SLC24A2: variants seen among roughly 807,000 people sequenced by gnomAD.
The protein encoded by SLC24A2 is sodium/potassium/calcium exchanger 2.
In SLC24A2, 36 loss-of-function variants were observed where a neutral mutation model predicts 62.0. That is an observed-to-expected ratio of 0.58 (90% CI 0.44 to 0.77). SLC24A2 has a LOEUF of 0.77. SLC24A2 is among the 30% of genes least tolerant of loss of function. The pLI, the probability that SLC24A2 is intolerant of heterozygous loss-of-function variation, is 0.00. For synonymous variants in SLC24A2, 358 were observed against 294.0 expected, an observed-to-expected ratio of 1.22 and a Z score of -2.23; for missense variants, 846 against 817.9, an observed-to-expected ratio of 1.03 and a Z score of -0.42.
At chr9:19,851,011 A>ATATATATACG in the SLC24A2 span, among the ~76,000 whole-genome samples, 9 of 45,290 alleles carry the variant, frequency 2.0e-4, no homozygotes, top group Non-Finnish European at 3.5e-4. Context: ...ACACATACAT[A>ATATATATACG]TATATATATA....
the SLC24A2 span, among the ~76,000 whole-genome samples, chr9:20,007,430 C>T: frequency 3.3e-5 from 5 of 152,110 alleles, no homozygotes; most frequent in African/African-American, 1.2e-4. Flanking sequence ...GTGACATATG[C>T]GCCCCATGTT....
chr9:19,742,061 A>C (rs971402544), intron 2 of SLC24A2, among the ~76,000 whole-genome samples: 1 of 152,202 alleles, frequency 6.6e-6, no homozygotes, highest in African/African-American at 2.4e-5. Context: ...AAAGCTCTCC[A>C]TTGTGAATGA....
chr9:19,758,188 A>C (rs1188229562), intron 2 of SLC24A2, among the ~76,000 whole-genome samples: 1 of 152,196 alleles, frequency 6.6e-6, no homozygotes, highest in Admixed American at 6.5e-5. Flanking sequence ...ATTTTTATAT[A>C]AAACAGGAAA....
chr9:20,151,872 T>G, the SLC24A2 span, among the ~76,000 whole-genome samples: 3 of 151,938 alleles, frequency 2.0e-5, 1 homozygote, highest in Admixed American at 2.0e-4. Context: ...AATAAGTTGT[T>G]TTAAATGCCC....
At chr9:20,218,795 T>C in the SLC24A2 span, among the ~76,000 whole-genome samples, 2 of 152,144 alleles carry the variant, frequency 1.3e-5, no homozygotes, top group African/African-American at 4.8e-5. Flanking sequence ...GTATTTCTTA[T>C]CTCAGTTTCT....
chr9:19,972,934 T>G, the SLC24A2 span, among the ~76,000 whole-genome samples: 1 of 152,168 alleles, frequency 6.6e-6, no homozygotes, highest in East Asian at 1.9e-4. Context: ...CACACTTGCC[T>G]GTTTAAATAA....
chr9:19,946,630 G>A, the SLC24A2 span, among the ~76,000 whole-genome samples: 5 of 152,298 alleles, frequency 3.3e-5, no homozygotes, highest in South Asian at 2.1e-4. Context: ...GAGACAACCT[G>A]TGCTTAAGCA....
chr9:20,034,719 T>C, the SLC24A2 span, among the ~76,000 whole-genome samples: 3 of 152,242 alleles, frequency 2.0e-5, no homozygotes, highest in East Asian at 1.9e-4. Flanking sequence ...CCGCCCGCCT[T>C]GACCTCCCAA....
chr9:19,515,821 T>C lies in SLC24A2; in HGVS notation c.*332A>G, dbSNP rs959252808. On this transcript the variant is annotated 3_prime_UTR_variant, in exon 11 of 11. Coordinates refer to ENST00000341998, the MANE Select transcript of SLC24A2 (RefSeq NM_020344.4). ...TGTTCATGTGCGTATATTTATAATA[T>C]GTGTATTTATAGATATATATAGCCT... 5.7e-6 allele frequency: 2 copies of C among 348,096 alleles called. No homozygotes were observed. Among genetic ancestry groups the C allele is most frequent in the East Asian group, 7.0e-5 (1 of 14,384 alleles). 21.6% of individuals were successfully genotyped at this position (348,096 alleles called of 1,614,324 possible). A position where few individuals can be genotyped will look rare whatever the true frequency, so the allele number is the denominator to read the frequency against.
At chr9:19,584,285 A>C (rs3837225) in intron 5 of SLC24A2, among the ~76,000 whole-genome samples, 4,997 of 150,356 alleles carry the variant, frequency 0.033, 338 homozygotes, top group East Asian at 0.3. Flanking sequence ...AAAAAAAAAA[A>C]AAAAAAAACA....
the SLC24A2 span, among the ~76,000 whole-genome samples, chr9:20,258,986 G>C: frequency 1.3e-5 from 2 of 152,094 alleles, no homozygotes; most frequent in Admixed American, 6.6e-5. Context: ...GATTATCTGG[G>C]TGGTTAAAGG....
intron 2 of SLC24A2, among the ~76,000 whole-genome samples, chr9:19,649,001 C>CAAAAAA (rs66653116): frequency 2.3e-4 from 25 of 108,780 alleles, no homozygotes; most frequent in African/African-American, 3.7e-4. Context: ...GATTAAAAAC[C>CAAAAAA]AAAAAAAAAA....
At chr9:19,563,837 CCTCCCTCCCTCCCTCCCTCCCTCCCTCCT>C (rs1835536514) in intron 7 of SLC24A2, among the ~76,000 whole-genome samples, 1 of 78,594 alleles carries the variant, frequency 1.3e-5, no homozygotes, top group Non-Finnish European at 2.3e-5. Context: ...TCCCTCCCTC[CCTCCCTCCCTCCCTCCCTCCCTCCCTCCT>C]TTCCTTTCGA....
rs200223644 is a variant in SLC24A2 at position 19,550,158 on chromosome 9, C to G, written c.1458G>C (p.Thr486=). 3.2e-5 allele frequency: 52 copies of G among 1,613,884 alleles called. No homozygotes were observed. Among genetic ancestry groups the G allele is most frequent in the Non-Finnish European group, 4.0e-5 (47 of 1,179,972 alleles). Residue 486 remains threonine (T), a synonymous_variant, in exon 8 of 11, where the codon ACG becomes ACC. Coordinates refer to ENST00000341998, the MANE Select transcript of SLC24A2 (RefSeq NM_020344.4). Reference sequence around the variant, plus strand: ...TTACAGGTTTGCGAACGTCAGGTAACGTAATCCAGAGAGGAAACACTATGG... The same window carrying G: ...TTACAGGTTTGCGAACGTCAGGTAAGGTAATCCAGAGAGGAAACACTATGG... ...VFPIVFPLWI[T]LPDVRKPSSR... is the part of the protein sequence containing the mutation.
At chr9:19,867,790 C>G in the SLC24A2 span, among the ~76,000 whole-genome samples, 2 of 152,138 alleles carry the variant, frequency 1.3e-5, no homozygotes, top group Admixed American at 6.5e-5. Flanking sequence ...CGCCTGTAGT[C>G]CCAGCTACTC....
the SLC24A2 span, among the ~76,000 whole-genome samples, chr9:20,133,617 T>C: frequency 2.0e-5 from 3 of 152,194 alleles, no homozygotes; most frequent in South Asian, 2.1e-4. Flanking sequence ...AAGATAATTA[T>C]TCTAATCTAT....
the SLC24A2 span, among the ~76,000 whole-genome samples, chr9:20,151,888 A>T: frequency 6.6e-6 from 1 of 151,728 alleles, no homozygotes; most frequent in South Asian, 2.1e-4. Context: ...TGCCCCAATC[A>T]AAAGAACTCA....
chr9:19,857,961 C>A, the SLC24A2 span, among the ~76,000 whole-genome samples: 3 of 152,216 alleles, frequency 2.0e-5, no homozygotes, highest in Admixed American at 2.0e-4. Flanking sequence ...CTATTCCTAT[C>A]AAACTACTAA....
the SLC24A2 span, among the ~76,000 whole-genome samples, chr9:20,277,086 G>A: frequency 5.9e-5 from 9 of 152,094 alleles, no homozygotes; most frequent in South Asian, 2.1e-4. Flanking sequence ...AATTTCTGCC[G>A]CCAGCTTGAA....
Sources: allele counts gnomAD v4.1 joint callset (sites outside exome capture counted in the v4.1 genomes callset), GRCh38; gene constraint gnomAD v4.1.1; transcripts MANE v1.5; gene names NCBI Gene and HGNC (gene_info 2026-07-23, HGNC 2026-07-21).